The following EIF4G3 variants were observed in gnomAD, a reference collection of about 807,000 sequenced individuals.
EIF4G3 encodes the protein eIF-4-gamma 3.
Under a neutral mutation model 186.4 loss-of-function variants are expected in EIF4G3, and 34 were observed. The observed-to-expected ratio is 0.18, with a 90% CI of 0.14 to 0.24. EIF4G3 has a LOEUF of 0.24. EIF4G3 is among the 10% of genes least tolerant of loss of function. EIF4G3 has a pLI of 1.00. For synonymous variants in EIF4G3, 673 were observed against 679.5 expected (o/e 0.99, Z 0.15); for missense variants, 1,536 against 1,948.5 (o/e 0.79, Z 3.99).
chr1:21,001,601 T>C (rs548916418), intron 5 of EIF4G3, among the ~76,000 whole-genome samples: 30 of 152,236 alleles, frequency 2.0e-4, no homozygotes, highest in Non-Finnish European at 3.4e-4. Context: ...AGACATCTTA[T>C]TGACCATTTC....
intron 10 of EIF4G3, among the ~76,000 whole-genome samples, chr1:20,974,060 A>C (rs2076375998): frequency 6.6e-6 from 1 of 152,212 alleles, no homozygotes; most frequent in Admixed American, 6.5e-5. Flanking sequence ...CTACTTGCTA[A>C]GATGAGGAAT....
intron 32 of EIF4G3, among the ~76,000 whole-genome samples, chr1:20,827,354 AG>A (rs2063903158): frequency 6.6e-6 from 1 of 152,248 alleles, no homozygotes; most frequent in African/African-American, 2.4e-5. Flanking sequence ...TTTGTTTCAA[AG>A]GAAGAAAAAA....
At chr1:20,949,627 T>A (rs1039542344) in intron 13 of EIF4G3, among the ~76,000 whole-genome samples, 2 of 152,176 alleles carry the variant, frequency 1.3e-5, no homozygotes, top group African/African-American at 2.4e-5. Flanking sequence ...TTTTTCTTTT[T>A]TAAAATAGCA....
intron 7 of EIF4G3, among the ~76,000 whole-genome samples, chr1:20,989,077 GGAGGGGAGAGGAGAGGAGAGGA>G (rs2080327392): frequency 1.1e-5 from 1 of 90,734 alleles, no homozygotes; most frequent in Non-Finnish European, 2.3e-5. Flanking sequence ...GGAGGGGAGG[GGAGGGGAGAGGAGAGGAGAGGA>G]GAGGAGAGAT....
intron 4 of EIF4G3, among the ~76,000 whole-genome samples, chr1:21,032,041 G>A (rs907250776): frequency 1.1e-4 from 17 of 152,074 alleles, no homozygotes; most frequent in African/African-American, 4.8e-5. Flanking sequence ...GGAAGAAAAC[G>A]TATTCAATAA....
intron 3 of EIF4G3, among the ~76,000 whole-genome samples, chr1:21,052,998 G>A (rs2094331389): frequency 2.0e-5 from 3 of 152,042 alleles, no homozygotes; most frequent in South Asian, 2.1e-4. Flanking sequence ...CTGCCCGGCC[G>A]CCACCCCGTC....
At chr1:20,821,275 C>T (rs1403065355) in intron 33 of EIF4G3, among the ~76,000 whole-genome samples, 1 of 152,154 alleles carries the variant, frequency 6.6e-6, no homozygotes, top group Non-Finnish European at 1.5e-5. Flanking sequence ...AAATGAAGTC[C>T]TTATTGTTCA....
intron 2 of EIF4G3, among the ~76,000 whole-genome samples, chr1:21,105,746 G>C (rs1272182513): frequency 6.6e-6 from 1 of 152,086 alleles, no homozygotes; most frequent in Non-Finnish European, 1.5e-5. Flanking sequence ...ACAGGTTTTA[G>C]GTGGGAAACA....
At chr1:21,098,956 A>T (rs2096455134) in intron 2 of EIF4G3, among the ~76,000 whole-genome samples, 1 of 152,202 alleles carries the variant, frequency 6.6e-6, no homozygotes, top group Non-Finnish European at 1.5e-5. Flanking sequence ...GAAAAGTTTT[A>T]AATGAATGAC....
chr1:20,933,122 C>A (rs775311959), intron 14 of EIF4G3, among the ~76,000 whole-genome samples: 10 of 152,134 alleles, frequency 6.6e-5, no homozygotes, highest in Non-Finnish European at 1.3e-4. Context: ...GTTCATCTTG[C>A]AGGATATTTC....
At position 20,839,623 on chromosome 1, in the gene EIF4G3, T is replaced by C. The variant is rs2067862192; in HGVS notation, c.4061+1233A>G. On this transcript the variant is annotated intron_variant, in intron 30 of 36. Coordinates refer to ENST00000602326, the MANE Select transcript of EIF4G3 (RefSeq NM_001391906.1). ...GATTCTTATGCCTCAGCCTCGCAAG[T>C]AGCTGGGATTGCAGGCTCACGCCAC... 1.3e-5 allele frequency among the ~76,000 whole-genome samples: 2 copies of C among 152,106 alleles called. 1 individual carries two copies. The highest frequency in any genetic ancestry group is 4.8e-5 in the African/African-American group (2 of 41,432).
chr1:21,105,545 T>G (rs996270457), intron 2 of EIF4G3, among the ~76,000 whole-genome samples: 3 of 151,798 alleles, frequency 2.0e-5, no homozygotes, highest in Admixed American at 1.3e-4. Flanking sequence ...TTTTTAAGAT[T>G]AAATAAAATA....
intron 12 of EIF4G3, among the ~76,000 whole-genome samples, chr1:20,955,932 T>A (rs1427134519): frequency 6.6e-6 from 1 of 152,026 alleles, no homozygotes; most frequent in African/African-American, 2.4e-5. Context: ...AGTACAGAGA[T>A]CAAGTCAAAA....
chr1:20,830,150 T>C (rs1004915758), intron 30 of EIF4G3, among the ~76,000 whole-genome samples: 1 of 152,258 alleles, frequency 6.6e-6, no homozygotes, highest in Non-Finnish European at 1.5e-5. Flanking sequence ...GGTAATTGTA[T>C]GCATGCCCTT....
chr1:20,941,427 A>G (rs761843264), intron 14 of EIF4G3, 64 bp downstream of exon 14: 4 of 1,610,766 alleles, frequency 2.5e-6, no homozygotes, highest in South Asian at 2.2e-5. Context: ...CAATTAAAAA[A>G]TAACTCAAAC....
intron 2 of EIF4G3, among the ~76,000 whole-genome samples, chr1:21,109,237 T>G (rs1447763640): frequency 2.0e-5 from 3 of 152,184 alleles, no homozygotes; most frequent in African/African-American, 7.2e-5. Context: ...TACAAGGGTT[T>G]TGTACCCTTA....
intron 3 of EIF4G3, among the ~76,000 whole-genome samples, chr1:21,071,899 CAGAG>C (rs1220756020): frequency 4.6e-5 from 7 of 151,146 alleles, no homozygotes; most frequent in South Asian, 2.1e-4. Flanking sequence ...AAGTTAAAGA[CAGAG>C]AGAGAGAAGT....
Position 20,810,708 on chromosome 1 carries a change from T to A in EIF4G3, c.4744+30A>T. ...GCTTGGATAAATCTCACTCATTGGT[T>A]AGATTAACTGTAACATGAGATAAAC... On this transcript the variant is annotated intron_variant, in intron 36 of 36. Coordinates refer to ENST00000602326, the MANE Select transcript of EIF4G3 (RefSeq NM_001391906.1). This position sits in a 1 kb window ranked among gnomAD's most constrained non-coding sequence, Gnocchi z 4.1. The A allele has an allele frequency of 6.2e-7, 1 of 1,605,514 alleles. No individual in the cohort carries two copies. Among genetic ancestry groups the A allele is most frequent in the Non-Finnish European group, 8.5e-7 (1 of 1,172,622 alleles).
At chr1:21,159,916 G>T (rs1359493222) in intron 2 of EIF4G3, among the ~76,000 whole-genome samples, 1 of 152,078 alleles carries the variant, frequency 6.6e-6, no homozygotes, top group African/African-American at 2.4e-5. Context: ...GACCAGCCTG[G>T]GCAACATGGT....
Sources: allele counts gnomAD v4.1 joint callset (sites outside exome capture counted in the v4.1 genomes callset), GRCh38; gene constraint gnomAD v4.1.1; non-coding constraint Gnocchi (gnomAD v3.1); transcripts MANE v1.5; gene names NCBI Gene and HGNC (gene_info 2026-07-23, HGNC 2026-07-21).